The following YPEL3 variants were observed in gnomAD, a reference collection of about 807,000 sequenced individuals.
YPEL3 encodes yippee like 3, also known as protein yippee-like 3.
In YPEL3, 5 loss-of-function variants were observed where a neutral mutation model predicts 17.5. The ratio of observed to expected loss-of-function variants is 0.29; its 90% confidence interval spans 0.15 to 0.60. The LOEUF (loss-of-function observed/expected upper bound fraction) is 0.60, where lower values mean the gene tolerates loss of function less well. YPEL3 is among the 20% of genes least tolerant of loss of function. The pLI is 0.87. For synonymous variants in YPEL3, 87 were observed against 87.2 expected (o/e 1.00, Z 0.01); for missense variants, 155 against 211.4 (o/e 0.73, Z 1.65).
chr16:30,092,922 G>A, intron 3 of YPEL3, 123 bp from the exon 4 acceptor site: 1 of 771,142 alleles, frequency 1.3e-6, no homozygotes, highest in Non-Finnish European at 2.2e-6. Flanking sequence ...AGAGGGGCAG[G>A]GCCGTATTTC....
Position 30,095,499 on chromosome 16 carries a change from G to A in YPEL3, c.-17C>T. 6.8e-7 allele frequency: 1 copy of A among 1,479,442 alleles called. No individual in the cohort carries two copies. Among genetic ancestry groups the A allele is most frequent in the East Asian group, 2.5e-5 (1 of 40,530 alleles). 91.6% of individuals were successfully genotyped at this position (1,479,442 alleles called of 1,614,324 possible). On this transcript the variant is annotated 5_prime_UTR_variant, in exon 1 of 4. Coordinates refer to ENST00000398841, the MANE Select transcript of YPEL3 (RefSeq NM_031477.5). This position sits in a 1 kb window ranked among gnomAD's most constrained non-coding sequence, Gnocchi z 5.4. ...CACACACATGCGAGGCACTCCCAGA[G>A]CCGTGGGGACTCGCTCTGTCACACT... is the stretch of plus-strand genomic sequence containing the variant.
At position 30,092,679 on chromosome 16, in the gene YPEL3, G is replaced by A. The variant is rs2072745227; in HGVS notation, c.*31C>T. 5 of 1,610,614 alleles carry A rather than the reference G, an allele frequency of 3.1e-6. No homozygotes were observed. Among genetic ancestry groups the A allele is most frequent in the Middle Eastern group, 1.6e-4 (1 of 6,066 alleles). On this transcript the variant is annotated 3_prime_UTR_variant, in exon 4 of 4. Transcript: ENST00000398841. ...TGGCGCTCCCTGGCGGCCAGGCCGGGCTGGAGCCACATGCGTCGGGGGAGC... is the reference window on the plus strand; with the variant it reads ...TGGCGCTCCCTGGCGGCCAGGCCGGACTGGAGCCACATGCGTCGGGGGAGC...
In YPEL3 at chr16:30,095,461, T is replaced by C; in HGVS notation, c.22A>G (p.Thr8Ala). The stretch of plus-strand genomic sequence containing the variant: ...TGCCGGGGAGGGAGTAGGTGGGCTG[T>C]CAGGACCTGGGCCACACACATGCGA... MCVAQVL[T>A]AHLLPPRQAL... Residue 8 changes from threonine (T) to alanine (A), a missense_variant, in exon 1 of 4, where the codon ACA becomes GCA. Around this residue, in one of 3 missense-constraint regions of YPEL3, gnomAD observed 58 missense variants for 60.0 expected, o/e 0.97. Transcript: ENST00000398841. This position sits in a 1 kb window ranked among gnomAD's most constrained non-coding sequence, Gnocchi z 5.4. 2 of 1,557,972 alleles carry C rather than the reference T, an allele frequency of 1.3e-6. No homozygotes were observed. Among genetic ancestry groups the C allele is most frequent in the Non-Finnish European group, 1.7e-6 (2 of 1,153,110 alleles).
In YPEL3 at chr16:30,096,131, T is replaced by G. The variant is rs1596863395; in HGVS notation, c.-649A>C. 1 of 136,218 alleles carries G rather than the reference T, an allele frequency of 7.3e-6. No individual in the cohort carries two copies. Among genetic ancestry groups the G allele is most frequent in the East Asian group, 2.2e-4 (1 of 4,494 alleles). 8.4% of individuals were successfully genotyped at this position (136,218 alleles called of 1,614,324 possible). On this transcript the variant is annotated 5_prime_UTR_variant, in exon 1 of 4. Transcript: ENST00000398841. Reference sequence around the variant, plus strand: ...GCGCGCGGGGCCCGGTCCGCCGGGGTGGGCTGGCCTGGGAGTGGGGGGCGC... The same window carrying G: ...GCGCGCGGGGCCCGGTCCGCCGGGGGGGGCTGGCCTGGGAGTGGGGGGCGC...
At chr16:30,093,980 G>A (rs2072767672) in intron 3 of YPEL3, 1 of 152,620 alleles carries the variant, frequency 6.6e-6, no homozygotes, top group South Asian at 2.0e-4. Flanking sequence ...AGCGAGCTCA[G>A]GTCAGGGCTG....
chr16:30,095,014 CGG>C lies in YPEL3; in HGVS notation c.275+87_275+88del. 2.5e-6 allele frequency: 4 copies of C among 1,602,612 alleles called. No homozygotes were observed. The highest frequency in any genetic ancestry group is 3.4e-6 in the Non-Finnish European group (4 of 1,170,984). Reference sequence around the variant, plus strand: ...GATGCTCACAATTTCCTGCCTGCACCGGGGAACTCTGGGAGTCTCAGCAGGAT... The same window carrying C: ...GATGCTCACAATTTCCTGCCTGCACCGGAACTCTGGGAGTCTCAGCAGGAT... On this transcript the variant is annotated intron_variant, in intron 2 of 3. Coordinates refer to ENST00000398841, the MANE Select transcript of YPEL3 (RefSeq NM_031477.5). The surrounding 1 kb of genome is among the most constrained non-coding windows in gnomAD (Gnocchi z 5.4).
intron 3 of YPEL3, 106 bp downstream of exon 3, chr16:30,094,683 A>T: frequency 9.5e-7 from 1 of 1,053,744 alleles, no homozygotes; most frequent in Non-Finnish European, 1.5e-6. Context: ...GACTTGTGTG[A>T]GCTCGGCCTA....
In YPEL3 at chr16:30,094,455, T is replaced by C. The variant is rs530347851; in HGVS notation, c.384+334A>G. On this transcript the variant is annotated intron_variant, in intron 3 of 3. Transcript: ENST00000398841. ...CTGTCTTCTTCTGTAGAGATAATAA[T>C]AGCTTCTACCTAGAGGATCACTGCA... The C allele has an allele frequency of 1.2e-3, 358 of 310,422 alleles. 8 individuals are homozygous for C. Among genetic ancestry groups the C allele is most frequent in the South Asian group, 0.011 (353 of 32,278 alleles). The allele number at this position is 310,422 out of a possible 1,614,324, so 19.2% of individuals were successfully genotyped here.
At position 30,092,552 on chromosome 16, in the gene YPEL3, C is replaced by G; in HGVS notation, c.*158G>C. Reference sequence around the variant, plus strand: ...CGTCGTCCCCCTTCTGTTCTCCCCCCAAGGTCACAGTGCATGCAATAAAAT... The same window carrying G: ...CGTCGTCCCCCTTCTGTTCTCCCCCGAAGGTCACAGTGCATGCAATAAAAT... On this transcript the variant is annotated 3_prime_UTR_variant, in exon 4 of 4. Coordinates refer to ENST00000398841, the MANE Select transcript of YPEL3 (RefSeq NM_031477.5). The G allele has an allele frequency of 3.2e-6, 2 of 628,748 alleles. No homozygotes were observed. The highest frequency in any genetic ancestry group is 2.8e-5 in the East Asian group (1 of 35,988). 38.9% of individuals were successfully genotyped at this position (628,748 alleles called of 1,614,324 possible).
rs900075142 is a variant in YPEL3 at position 30,096,104 on chromosome 16, G to A, written c.-622C>T. On this transcript the variant is annotated 5_prime_UTR_variant, in exon 1 of 4. Transcript: ENST00000398841. Reference sequence around the variant, plus strand: ...TGACGGCGCGGGCCTCACCTCGCCTGGGCGCGCGGGGCCCGGTCCGCCGGG... The same window carrying A: ...TGACGGCGCGGGCCTCACCTCGCCTAGGCGCGCGGGGCCCGGTCCGCCGGG... 4.0e-5 allele frequency: 6 copies of A among 149,902 alleles called. No homozygotes were observed. In the South Asian group the frequency reaches 1.2e-3, roughly 31 times the overall value. 9.3% of individuals were successfully genotyped at this position (149,902 alleles called of 1,614,324 possible). A position where few individuals can be genotyped will look rare whatever the true frequency, so the allele number is the denominator to read the frequency against.
Position 30,096,176 on chromosome 16 carries a change from C to T in YPEL3, c.-694G>A, listed in dbSNP as rs1391936513. 4 of 150,126 alleles carry T rather than the reference C, an allele frequency of 2.7e-5. No homozygotes were observed. Among genetic ancestry groups the T allele is most frequent in the Non-Finnish European group, 6.0e-5 (4 of 67,066 alleles). 9.3% of individuals were successfully genotyped at this position (150,126 alleles called of 1,614,324 possible). A position where few individuals can be genotyped will look rare whatever the true frequency, so the allele number is the denominator to read the frequency against. On this transcript the variant is annotated 5_prime_UTR_variant, in exon 1 of 4. Coordinates refer to ENST00000398841, the MANE Select transcript of YPEL3 (RefSeq NM_031477.5). ...GGGCGCTCCTGGCGGGCGCCGTCCCCCCCGGGCCCGGGTTCGCAGGCGCCT... is the reference window on the plus strand; with the variant it reads ...GGGCGCTCCTGGCGGGCGCCGTCCCTCCCGGGCCCGGGTTCGCAGGCGCCT...
At position 30,095,229 on chromosome 16, in the gene YPEL3, C is replaced by T. The variant is rs763153225; in HGVS notation, c.231+23G>A. 3.1e-6 allele frequency: 5 copies of T among 1,614,162 alleles called. No individual in the cohort carries two copies. The highest frequency in any genetic ancestry group is 4.2e-6 in the Non-Finnish European group (5 of 1,180,002). The stretch of plus-strand genomic sequence containing the variant: ...CCAGGCAGCCCCTATAGGTTCCAGC[C>T]CCACTGTGGCCTGGTTGGTTACCTT... On this transcript the variant is annotated intron_variant, in intron 1 of 3. Coordinates refer to ENST00000398841, the MANE Select transcript of YPEL3 (RefSeq NM_031477.5). This position sits in a 1 kb window ranked among gnomAD's most constrained non-coding sequence, Gnocchi z 5.4.
rs2072792992 is a variant in YPEL3, at chr16:30,096,186, G to A, written c.-704C>T. ...GGCGGGCGCCGTCCCCCCCGGGCCC[G>A]GGTTCGCAGGCGCCTGGACTTGTTT... On this transcript the variant is annotated 5_prime_UTR_variant, in exon 1 of 4. Transcript: ENST00000398841. 6.7e-6 allele frequency: 1 copy of A among 150,114 alleles called. No individual in the cohort carries two copies. The highest frequency in any genetic ancestry group is 2.1e-4 in the South Asian group (1 of 4,826). The allele number at this position is 150,114 out of a possible 1,614,324, so 9.3% of individuals were successfully genotyped here.
In YPEL3 at chr16:30,095,724, G is replaced by A; in HGVS notation, c.-242C>T. The A allele has an allele frequency of 2.0e-6, 1 of 495,414 alleles. No homozygotes were observed. 30.7% of individuals were successfully genotyped at this position (495,414 alleles called of 1,614,324 possible). On this transcript the variant is annotated 5_prime_UTR_variant, in exon 1 of 4. Coordinates refer to ENST00000398841, the MANE Select transcript of YPEL3 (RefSeq NM_031477.5). The surrounding 1 kb of genome is among the most constrained non-coding windows in gnomAD (Gnocchi z 5.4). ...AGCTGGAGGAAGGGGCTTTGGAGGG[G>A]CTGGGCTGTCAGTTCCCAGTTTCGG...
Position 30,092,659 on chromosome 16 carries a change from C to A in YPEL3, c.*51G>T. 6.3e-7 allele frequency: 1 copy of A among 1,588,812 alleles called. No individual in the cohort carries two copies. The highest frequency in any genetic ancestry group is 8.6e-7 in the Non-Finnish European group (1 of 1,158,788). On this transcript the variant is annotated 3_prime_UTR_variant, in exon 4 of 4. Transcript: ENST00000398841. ...TTCGGGTGGCGGGAAGCCAGTGGCG[C>A]TCCCTGGCGGCCAGGCCGGGCTGGA... is the stretch of plus-strand genomic sequence containing the variant.
intron 3 of YPEL3, chr16:30,094,472 A>C: frequency 2.8e-6 from 1 of 357,214 alleles, no homozygotes; most frequent in Admixed American, 4.4e-5. Flanking sequence ...TACCTAGAGG[A>C]TCACTGCAAT....
chr16:30,093,756 T>C (rs2072763903), intron 3 of YPEL3: 1 of 151,246 alleles, frequency 6.6e-6, no homozygotes, highest in Admixed American at 6.6e-5. Context: ...TTTTTTTTTT[T>C]TTTTTGTATT....
At position 30,094,913 on chromosome 16, in the gene YPEL3, GTAGTCC is replaced by G; in HGVS notation, c.276-22_276-17del. 1 of 1,609,056 alleles carries G rather than the reference GTAGTCC, an allele frequency of 6.2e-7. No homozygotes were observed. Among genetic ancestry groups the G allele is most frequent in the African/African-American group, 1.3e-5 (1 of 75,010 alleles). Reference sequence around the variant, plus strand: ...CACGTTCACCCTGTGGGGACATGGGGTAGTCCCAGGGAGGGTCCTGCCATCACAGGG... The same window carrying G: ...CACGTTCACCCTGTGGGGACATGGGGCAGGGAGGGTCCTGCCATCACAGGG... On this transcript the variant is annotated splice_polypyrimidine_tract_variant and intron_variant, in intron 2 of 3. Coordinates refer to ENST00000398841, the MANE Select transcript of YPEL3 (RefSeq NM_031477.5).
intron 3 of YPEL3, chr16:30,093,743 A>ATTTTTTTTT (rs1209936876): frequency 3.8e-5 from 5 of 131,352 alleles, no homozygotes; most frequent in African/African-American, 8.5e-5. Context: ...CACCCAGCTG[A>ATTTTTTTTT]TTTTTTTTTT....
Sources: allele counts gnomAD v4.1 joint callset, GRCh38; gene constraint gnomAD v4.1.1; regional missense constraint gnomAD v4.1.1; non-coding constraint Gnocchi (gnomAD v3.1); transcripts MANE v1.5; gene names NCBI Gene and HGNC (gene_info 2026-07-23, HGNC 2026-07-21).